CMIP: variants seen among roughly 807,000 people sequenced by gnomAD.
CMIP encodes C-Maf-inducing protein.
A neutral mutation model predicts 97.3 loss-of-function variants in CMIP; 13 were observed. That is an observed-to-expected ratio of 0.13 (90% confidence interval 0.09 to 0.21). The LOEUF is 0.21. Among genes scored for constraint, CMIP ranks in the 10% least tolerant of loss-of-function variants. The probability of loss-of-function intolerance (pLI) is 1.00; values close to 1 mark genes in which losing one functional copy is unlikely to be tolerated. For missense variants in CMIP, 847 were observed against 1,024.9 expected (o/e 0.83, Z 2.37); for synonymous variants, 538 against 436.3 (o/e 1.23, Z -2.91).
intron 1 of CMIP, among the ~76,000 whole-genome samples, chr16:81,472,493 C>CACAGCCACTCTGCAG (rs1907619508): frequency 6.6e-6 from 1 of 151,994 alleles, no homozygotes; most frequent in Non-Finnish European, 1.5e-5. Context: ...CTTGTAGGCA[C>CACAGCCACTCTGCAG]TGATCACAGC....
intron 1 of CMIP, among the ~76,000 whole-genome samples, chr16:81,590,404 CAA>C (rs1278986163): frequency 1.3e-5 from 2 of 152,176 alleles, no homozygotes; most frequent in Non-Finnish European, 2.9e-5. Flanking sequence ...ATTTCGGGAA[CAA>C]GAGAGAGATG....
At chr16:81,640,770 G>GTGTGTGTGTGTCTCTC (rs376370488) in intron 3 of CMIP, among the ~76,000 whole-genome samples, 14 of 135,592 alleles carry the variant, frequency 1.0e-4, no homozygotes, top group Non-Finnish European at 1.4e-4. Context: ...GTGTGTGTGT[G>GTGTGTGTGTGTCTCTC]TCTCTCTCTC....
intron 3 of CMIP, among the ~76,000 whole-genome samples, chr16:81,650,791 G>A (rs1185193066): frequency 2.0e-5 from 3 of 152,152 alleles, no homozygotes; most frequent in African/African-American, 4.8e-5. Context: ...AGAGGTGCCG[G>A]TATTTTCCAT....
chr16:81,476,386 C>G (rs1435222409), intron 1 of CMIP: 5 of 1,173,908 alleles, frequency 4.3e-6, no homozygotes, highest in Non-Finnish European at 1.3e-6. Flanking sequence ...ATAACCAACT[C>G]CTTTCTCTCC....
chr16:81,570,235 G>C (rs990581897), intron 1 of CMIP, among the ~76,000 whole-genome samples: 4 of 152,172 alleles, frequency 2.6e-5, no homozygotes, highest in South Asian at 2.1e-4. Flanking sequence ...CACAGAGGGG[G>C]TGGAGAAGGC....
chr16:81,691,504 G>A (rs1276327616), intron 10 of CMIP, among the ~76,000 whole-genome samples: 3 of 152,180 alleles, frequency 2.0e-5, no homozygotes, highest in Non-Finnish European at 4.4e-5. Context: ...ACGTAGCCTT[G>A]GTTCAAAGGG....
intron 4 of CMIP, among the ~76,000 whole-genome samples, chr16:81,654,440 T>C (rs1265087620): frequency 6.6e-6 from 1 of 152,096 alleles, no homozygotes; most frequent in Non-Finnish European, 1.5e-5. Context: ...GACCCTTAAG[T>C]GCTAGGATGG....
At chr16:81,475,997 A>G (rs878866094) in intron 1 of CMIP, 5 of 564,096 alleles carry the variant, frequency 8.9e-6, no homozygotes, top group South Asian at 5.0e-5. Flanking sequence ...AAAAAAAAAA[A>G]AAAAAGATAA....
In CMIP at chr16:81,606,983, G is replaced by C. The variant is rs548487375; in HGVS notation, c.301-584G>C. 11 of 155,190 alleles carry C rather than the reference G, an allele frequency of 7.1e-5. No individual in the cohort carries two copies. The South Asian group carries it at 1.6e-3, about 23-fold the overall frequency. The allele number at this position is 155,190 out of a possible 1,614,324, so 9.6% of individuals were successfully genotyped here. ...AGGAGTGTGGAAAGGGAGAGATGCCGCCGAGAGGCGGGACTGGGCGCATAG... is the reference window on the plus strand; with the variant it reads ...AGGAGTGTGGAAAGGGAGAGATGCCCCCGAGAGGCGGGACTGGGCGCATAG... On this transcript the variant is annotated intron_variant, in intron 1 of 20. Transcript: ENST00000537098.
chr16:81,670,624 G>T (rs115739243), intron 8 of CMIP, among the ~76,000 whole-genome samples: 1,761 of 134,052 alleles, frequency 0.013, 27 homozygotes, highest in African/African-American at 0.031. Flanking sequence ...TTTTTTTGGG[G>T]GGGGGGGGGG....
At chr16:81,555,696 T>C (rs192284017) in intron 1 of CMIP, among the ~76,000 whole-genome samples, 1 of 152,194 alleles carries the variant, frequency 6.6e-6, no homozygotes, top group Non-Finnish European at 1.5e-5. Context: ...CAGGGTATAC[T>C]GTGCTCCCCA....
chr16:81,615,426 T>C (rs559102124), intron 2 of CMIP, among the ~76,000 whole-genome samples: 1 of 144,924 alleles, frequency 6.9e-6, no homozygotes, highest in South Asian at 2.3e-4. Flanking sequence ...GTGTGCGTGG[T>C]GTGTGTACAT....
Position 81,660,931 on chromosome 16 carries a change from T to C in CMIP, c.729T>C (p.Cys243=). The C allele has an allele frequency of 1.9e-6, 3 of 1,613,980 alleles. No homozygotes were observed. The highest frequency in any genetic ancestry group is 2.5e-6 in the Non-Finnish European group (3 of 1,179,874). ...LENNHPPPDL[C]EFFCKHCRER... is the part of the protein sequence containing the mutation. ...ACAACCACCCACCACCAGATCTCTG[T>C]GAATTCTTTTGCAAGGTACGGGATT... Residue 243 remains cysteine, a synonymous_variant, in exon 6 of 21, where the codon TGT becomes TGC. Coordinates refer to ENST00000537098, the MANE Select transcript of CMIP (RefSeq NM_198390.3).
chr16:81,644,762 A>G, intron 3 of CMIP, among the ~76,000 whole-genome samples: 1 of 152,238 alleles, frequency 6.6e-6, no homozygotes, highest in African/African-American at 2.4e-5. Flanking sequence ...TGTGCAAGGC[A>G]CAAGTGGGGA....
intron 3 of CMIP, among the ~76,000 whole-genome samples, chr16:81,634,922 G>A (rs537497335): frequency 6.6e-5 from 10 of 152,232 alleles, no homozygotes; most frequent in East Asian, 3.9e-4. Flanking sequence ...AGATGCTACC[G>A]TCTTGAGGCC....
intron 1 of CMIP, among the ~76,000 whole-genome samples, chr16:81,451,394 A>G (rs1041123872): frequency 3.9e-5 from 6 of 152,220 alleles, no homozygotes; most frequent in African/African-American, 1.4e-4. Context: ...CTGTGAGTCC[A>G]TTAAACCTCT....
intron 10 of CMIP, among the ~76,000 whole-genome samples, chr16:81,687,577 C>T (rs1905553034): frequency 6.6e-6 from 1 of 152,140 alleles, no homozygotes; most frequent in Non-Finnish European, 1.5e-5. Flanking sequence ...GGTCAGATCT[C>T]AGCCACTTGC....
At chr16:81,620,843 C>A (rs371740397) in intron 2 of CMIP, 33 bp from the exon 3 acceptor site, 7 of 1,613,450 alleles carry the variant, frequency 4.3e-6, no homozygotes, top group Non-Finnish European at 5.9e-6. Flanking sequence ...AAGCTGATGA[C>A]CGGACCTTGC....
chr16:81,646,991 A>G (rs2092371109), intron 3 of CMIP, among the ~76,000 whole-genome samples: 1 of 152,226 alleles, frequency 6.6e-6, no homozygotes. Flanking sequence ...TTGCTGGGTC[A>G]TATGATAAAT....
Sources: allele counts gnomAD v4.1 joint callset (sites outside exome capture counted in the v4.1 genomes callset), GRCh38; gene constraint gnomAD v4.1.1; transcripts MANE v1.5; gene names NCBI Gene and HGNC (gene_info 2026-07-23, HGNC 2026-07-21).